The following ARHGAP24 variants were observed in gnomAD, a reference collection of about 807,000 sequenced individuals.
ARHGAP24 encodes the protein Rho GTPase activating protein 24.
In ARHGAP24, 50 loss-of-function variants were observed where a neutral mutation model predicts 76.4. The ratio of observed to expected loss-of-function variants is 0.65; its 90% CI spans 0.52 to 0.83. The LOEUF (loss-of-function observed/expected upper bound fraction) is 0.83. ARHGAP24 is among the 40% of genes least tolerant of loss of function. ARHGAP24 has a pLI of 0.00. For synonymous variants in ARHGAP24, 345 were observed against 323.3 expected (o/e 1.07, Z -0.72); for missense variants, 930 against 914.2 (o/e 1.02, Z -0.22).
At chr4:85,998,944 A>G (rs946203742) in intron 9 of ARHGAP24, among the ~76,000 whole-genome samples, 1 of 152,142 alleles carries the variant, frequency 6.6e-6, no homozygotes, top group Non-Finnish European at 1.5e-5. Flanking sequence ...TTATTGTTCT[A>G]TATTTCGGTT....
intron 3 of ARHGAP24, among the ~76,000 whole-genome samples, chr4:85,851,911 C>G (rs568750957): frequency 6.6e-6 from 1 of 152,270 alleles, no homozygotes; most frequent in Non-Finnish European, 1.5e-5. Flanking sequence ...CTTGGTGAAT[C>G]TGACAATTAT....
chr4:85,922,294 A>G (rs1735766078), intron 3 of ARHGAP24, among the ~76,000 whole-genome samples: 1 of 152,202 alleles, frequency 6.6e-6, no homozygotes, highest in South Asian at 2.1e-4. Flanking sequence ...TAGAGCATTC[A>G]TATAGAATTC....
intron 2 of ARHGAP24, among the ~76,000 whole-genome samples, chr4:85,609,073 A>G (rs1482222397): frequency 6.6e-6 from 1 of 152,128 alleles, no homozygotes; most frequent in Non-Finnish European, 1.5e-5. Flanking sequence ...GGTTGTGATG[A>G]TTCAATACAT....
chr4:85,921,471 C>A (rs566901195), intron 3 of ARHGAP24, among the ~76,000 whole-genome samples: 1 of 152,078 alleles, frequency 6.6e-6, no homozygotes, highest in African/African-American at 2.4e-5. Context: ...ATCTGTACAA[C>A]AAATCCCCAT....
intron 2 of ARHGAP24, among the ~76,000 whole-genome samples, chr4:85,685,384 G>A (rs1455837083): frequency 3.3e-5 from 5 of 152,060 alleles, no homozygotes. Flanking sequence ...TGTAATCCCA[G>A]CACTTTGGGA....
chr4:85,951,891 G>A (rs539924177), intron 5 of ARHGAP24, among the ~76,000 whole-genome samples: 39 of 152,006 alleles, frequency 2.6e-4, no homozygotes, highest in Non-Finnish European at 4.3e-4. Context: ...TTTTTAAATA[G>A]CATTTTAAAA....
At chr4:85,564,940 A>G (rs1347114837) in intron 1 of ARHGAP24, among the ~76,000 whole-genome samples, 2 of 98,138 alleles carry the variant, frequency 2.0e-5, no homozygotes, top group Non-Finnish European at 4.0e-5. Flanking sequence ...ATATATATAT[A>G]TATATATATA....
intron 1 of ARHGAP24, among the ~76,000 whole-genome samples, chr4:85,486,577 G>A (rs1723057727): frequency 6.6e-6 from 1 of 152,192 alleles, no homozygotes; most frequent in South Asian, 2.1e-4. Flanking sequence ...ATGCATGAGA[G>A]AGAACAGCCT....
intron 1 of ARHGAP24, among the ~76,000 whole-genome samples, chr4:85,538,404 C>A (rs750561582): frequency 2.0e-5 from 3 of 152,064 alleles, no homozygotes; most frequent in Admixed American, 2.0e-4. Context: ...GCAATTTTTG[C>A]ATGCAAAACC....
At chr4:85,825,451 T>G (rs1265064939) in intron 3 of ARHGAP24, among the ~76,000 whole-genome samples, 1 of 152,180 alleles carries the variant, frequency 6.6e-6, no homozygotes, top group Non-Finnish European at 1.5e-5. Context: ...TGAAAAAAAG[T>G]GTTCTGCTAC....
At chr4:85,542,897 A>G (rs1725758868) in intron 1 of ARHGAP24, among the ~76,000 whole-genome samples, 1 of 152,034 alleles carries the variant, frequency 6.6e-6, no homozygotes, top group African/African-American at 2.4e-5. Context: ...AGGGATGATA[A>G]TAATAGCATC....
Position 86,000,523 on chromosome 4 carries a change from T to G in ARHGAP24, c.2048T>G (p.Leu683Arg), listed in dbSNP as rs1410021990. ...NLTLETEMMSLHDELDQERKK... is the reference protein window; with the variant it reads ...NLTLETEMMSRHDELDQERKK... ...ACTTTGGAAACAGAAATGATGAGCC[T>G]CCATGATGAACTGGATCAGGAGAGG... Residue 683 changes from leucine (L) to arginine (R), a missense_variant, in exon 10 of 10, where the codon CTC becomes CGC. Coordinates refer to ENST00000395184, the MANE Select transcript of ARHGAP24 (RefSeq NM_001025616.3). 2 of 1,551,446 alleles carry G rather than the reference T, an allele frequency of 1.3e-6. No individual in the cohort carries two copies. The highest frequency in any genetic ancestry group is 1.7e-6 in the Non-Finnish European group (2 of 1,148,234).
At position 85,837,745 on chromosome 4, in the gene ARHGAP24, G is replaced by C. The variant is rs1370236209; in HGVS notation, c.269-85903G>C. Among the ~76,000 whole-genome samples, 3 of 152,124 alleles carry C rather than the reference G, an allele frequency of 2.0e-5. No homozygotes were observed. The East Asian group carries it at 5.8e-4, about 29-fold the overall frequency. On this transcript the variant is annotated intron_variant, in intron 3 of 9. Transcript: ENST00000395184. ...CCAGTGTCAGCAAGCACACCATATG[G>C]ACTGTATTCCAATCCCAATAAAACT...
intron 2 of ARHGAP24, among the ~76,000 whole-genome samples, chr4:85,631,400 C>T (rs1165437012): frequency 2.6e-5 from 4 of 152,050 alleles, no homozygotes; most frequent in Middle Eastern, 3.2e-3. Context: ...TTAATATATA[C>T]ATCAATGTTG....
chr4:85,733,060 C>CTTTTTTTTTTTTTTTTTTT (rs1210109366), intron 3 of ARHGAP24, among the ~76,000 whole-genome samples: 1,993 of 55,210 alleles, frequency 0.036, 824 homozygotes, highest in Middle Eastern at 0.12. Context: ...GCCTCACCAA[C>CTTTTTTTTTTTTTTTTTTT]TTTTTTTTTT....
chr4:85,796,760 A>G (rs1375794659), intron 3 of ARHGAP24, among the ~76,000 whole-genome samples: 1 of 152,134 alleles, frequency 6.6e-6, no homozygotes, highest in Non-Finnish European at 1.5e-5. Flanking sequence ...CTCATACCCG[A>G]GGCTGAGATC....
intron 2 of ARHGAP24, among the ~76,000 whole-genome samples, chr4:85,680,649 G>A (rs554527863): frequency 3.9e-5 from 6 of 152,102 alleles, no homozygotes; most frequent in Non-Finnish European, 8.8e-5. Context: ...GAGGACTCAA[G>A]TGACTAATCC....
intron 3 of ARHGAP24, among the ~76,000 whole-genome samples, chr4:85,774,979 T>G (rs1727258473): frequency 6.6e-6 from 1 of 152,196 alleles, no homozygotes; most frequent in Non-Finnish European, 1.5e-5. Context: ...ATCTTAGGTT[T>G]CTAATCTTAT....
rs529135629 is a variant in ARHGAP24, at chr4:85,897,517, T to A, written c.269-26131T>A. On this transcript the variant is annotated intron_variant, in intron 3 of 9. Transcript: ENST00000395184. Reference sequence around the variant, plus strand: ...TTTCTAAAAAAGAAGCAACTGACTTTCTGATACAAGTCATAATTTACAAGT... The same window carrying A: ...TTTCTAAAAAAGAAGCAACTGACTTACTGATACAAGTCATAATTTACAAGT... Among the ~76,000 whole-genome samples, 85 of 152,326 alleles carry A rather than the reference T, an allele frequency of 5.6e-4. 1 individual carries two copies. The South Asian group carries it at 0.017, about 31-fold the overall frequency.
Sources: allele counts gnomAD v4.1 joint callset (sites outside exome capture counted in the v4.1 genomes callset), GRCh38; gene constraint gnomAD v4.1.1; transcripts MANE v1.5; gene names NCBI Gene and HGNC (gene_info 2026-07-23, HGNC 2026-07-21).